The following ENOX1 variants were observed in gnomAD, a reference collection of about 807,000 sequenced individuals.
ENOX1 encodes candidate growth-related and time keeping constitutive hydroquinone (NADH) oxidase.
Under a neutral mutation model 82.5 loss-of-function variants are expected in ENOX1, and 42 were observed. That is an observed-to-expected ratio of 0.51 (90% CI 0.40 to 0.66). The LOEUF (loss-of-function observed/expected upper bound fraction) is 0.66. Ranked by LOEUF, ENOX1 falls within the 30% of genes least tolerant of loss-of-function variation. ENOX1 has a pLI of 0.00. For missense variants in ENOX1, 608 were observed against 811.6 expected, an observed-to-expected ratio of 0.75 and a Z score of 3.05; for synonymous variants, 271 against 282.2, an observed-to-expected ratio of 0.96 and a Z score of 0.40.
chr13:43,532,717 T>C (rs1342612397), intron 2 of ENOX1, among the ~76,000 whole-genome samples: 3 of 152,078 alleles, frequency 2.0e-5, no homozygotes, highest in Non-Finnish European at 4.4e-5. Context: ...GCTACGAGGA[T>C]CCAAATGTCT....
intron 8 of ENOX1, among the ~76,000 whole-genome samples, chr13:43,354,847 C>G (rs2050049308): frequency 6.6e-6 from 1 of 152,154 alleles, no homozygotes; most frequent in South Asian, 2.1e-4. Flanking sequence ...TGCCTTTATG[C>G]CTCTTTTTAT....
At chr13:43,641,704 T>C (rs1399983745) in intron 2 of ENOX1, among the ~76,000 whole-genome samples, 1 of 151,718 alleles carries the variant, frequency 6.6e-6, no homozygotes, top group African/African-American at 2.4e-5. Flanking sequence ...GGCTAATTTT[T>C]TGTGTTTTTT....
intron 2 of ENOX1, 67 bp downstream of exon 2, chr13:43,667,412 T>C: frequency 2.1e-6 from 2 of 965,296 alleles, no homozygotes; most frequent in Non-Finnish European, 2.5e-6. Flanking sequence ...ATAATTAAAC[T>C]ACATCCCTTC....
At chr13:43,508,454 ATTT>A (rs893043529) in intron 2 of ENOX1, among the ~76,000 whole-genome samples, 1 of 152,020 alleles carries the variant, frequency 6.6e-6, no homozygotes, top group African/African-American at 2.4e-5. Context: ...AGTGTCAGGT[ATTT>A]TTGTTACAGC....
At chr13:43,512,081 A>G (rs2077391427) in intron 2 of ENOX1, among the ~76,000 whole-genome samples, 2 of 152,166 alleles carry the variant, frequency 1.3e-5, no homozygotes, top group Admixed American at 1.3e-4. Flanking sequence ...TATCTAATAT[A>G]CATACATATA....
At chr13:43,417,425 T>C (rs931739796) in intron 3 of ENOX1, among the ~76,000 whole-genome samples, 3 of 152,206 alleles carry the variant, frequency 2.0e-5, no homozygotes, top group Non-Finnish European at 4.4e-5. Flanking sequence ...CGGTCACTCA[T>C]TTTGGAAGAA....
intron 2 of ENOX1, among the ~76,000 whole-genome samples, chr13:43,647,449 TC>T (rs1280525024): frequency 6.6e-6 from 1 of 152,132 alleles, no homozygotes; most frequent in Non-Finnish European, 1.5e-5. Flanking sequence ...CAGGTGAACT[TC>T]CCCAGGGTCT....
At chr13:43,754,095 T>TAAATACAC (rs1950493374) in intron 1 of ENOX1, among the ~76,000 whole-genome samples, 8 of 141,838 alleles carry the variant, frequency 5.6e-5, no homozygotes, top group East Asian at 4.2e-4. Flanking sequence ...TATACGTATA[T>TAAATACAC]ATGTATACGT....
chr13:43,351,374 G>C (rs2049775166), intron 8 of ENOX1, among the ~76,000 whole-genome samples: 1 of 151,714 alleles, frequency 6.6e-6, no homozygotes, highest in African/African-American at 2.4e-5. Context: ...TCCTGCTTTA[G>C]GGTCGAGCAA....
chr13:43,320,067 G>T (rs1216763069), intron 11 of ENOX1, among the ~76,000 whole-genome samples: 1 of 152,166 alleles, frequency 6.6e-6, no homozygotes, highest in Non-Finnish European at 1.5e-5. Context: ...AAGACCAGAT[G>T]GGAATTCTTG....
At chr13:43,476,082 T>C (rs1382430323) in intron 3 of ENOX1, among the ~76,000 whole-genome samples, 1 of 152,118 alleles carries the variant, frequency 6.6e-6, no homozygotes, top group East Asian at 1.9e-4. Context: ...AGATGAAAGA[T>C]GATTAATAGA....
chr13:43,478,056 T>G (rs1185448418), intron 3 of ENOX1, among the ~76,000 whole-genome samples: 7 of 74,402 alleles, frequency 9.4e-5, no homozygotes, highest in Admixed American at 8.2e-4. Flanking sequence ...CCAGAGAGGT[T>G]TTTTTTTTTT....
At chr13:43,261,233 G>C (rs966344743) in intron 14 of ENOX1, among the ~76,000 whole-genome samples, 12 of 152,182 alleles carry the variant, frequency 7.9e-5, no homozygotes, top group African/African-American at 2.7e-4. Context: ...CCATGAGCTA[G>C]ATGAGTCTTG....
chr13:43,368,459 A>G (rs2050995984), intron 5 of ENOX1, among the ~76,000 whole-genome samples: 2 of 152,258 alleles, frequency 1.3e-5, no homozygotes, highest in Admixed American at 1.3e-4. Context: ...AGATCTTTCC[A>G]GCAATCTGTG....
At chr13:43,321,281 C>A (rs2047792058) in intron 11 of ENOX1, among the ~76,000 whole-genome samples, 1 of 152,200 alleles carries the variant, frequency 6.6e-6, no homozygotes, top group Non-Finnish European at 1.5e-5. Flanking sequence ...GTGGGGCCTG[C>A]TAACTTACAT....
At chr13:43,670,540 C>T (rs923191165) in intron 1 of ENOX1, among the ~76,000 whole-genome samples, 1 of 152,070 alleles carries the variant, frequency 6.6e-6, no homozygotes, top group African/African-American at 2.4e-5. Context: ...AGCCTTAAGA[C>T]ACAACTGAAT....
At chr13:43,248,616 TA>T (rs1448942037) in intron 14 of ENOX1, among the ~76,000 whole-genome samples, 1 of 152,144 alleles carries the variant, frequency 6.6e-6, no homozygotes, top group Non-Finnish European at 1.5e-5. Context: ...CCAAAATATA[TA>T]ACCTTTTCTC....
At chr13:43,458,512 A>G (rs2153635917) in intron 3 of ENOX1, 1 of 152,340 alleles carries the variant, frequency 6.6e-6, no homozygotes, top group East Asian at 1.9e-4. Context: ...TTAGCCACTG[A>G]AAAGGGGTGT....
At chr13:43,555,243 TAAC>T (rs1282770023) in intron 2 of ENOX1, among the ~76,000 whole-genome samples, 1 of 152,212 alleles carries the variant, frequency 6.6e-6, no homozygotes, top group African/African-American at 2.4e-5. Context: ...AGCTGTGTCT[TAAC>T]AATCACACAA....
Sources: allele counts gnomAD v4.1 joint callset (sites outside exome capture counted in the v4.1 genomes callset), GRCh38; gene constraint gnomAD v4.1.1; transcripts MANE v1.5; gene names NCBI Gene and HGNC (gene_info 2026-07-23, HGNC 2026-07-21).